Variants in CDH9 observed in about 807,000 individuals in gnomAD.
CDH9 encodes the protein cadherin 9.
In CDH9, 28 loss-of-function variants were observed where a neutral mutation model predicts 70.9. The observed-to-expected ratio is 0.40, with a 90% CI of 0.29 to 0.54. The LOEUF is 0.54. CDH9 is among the 20% of genes least tolerant of loss of function. CDH9 has a pLI of 0.59. For synonymous variants in CDH9, 409 were observed against 343.1 expected (o/e 1.19, Z -2.12); for missense variants, 874 against 984.4 (o/e 0.89, Z 1.50).
intron 2 of CDH9, among the ~76,000 whole-genome samples, chr5:26,962,020 C>T (rs1742045494): frequency 6.6e-6 from 1 of 152,110 alleles, no homozygotes; most frequent in African/African-American, 2.4e-5. Flanking sequence ...TGTCGCCCTC[C>T]CTGTGTCCAT....
chr5:27,026,705 T>G (rs954081072), intron 1 of CDH9, among the ~76,000 whole-genome samples: 8 of 151,928 alleles, frequency 5.3e-5, no homozygotes, highest in African/African-American at 1.7e-4. Context: ...GAAAAAAAAT[T>G]AGTAAATACT....
chr5:26,934,479 A>G lies in CDH9; in HGVS notation c.229-18555T>C, dbSNP rs189859081. On this transcript the variant is annotated intron_variant, in intron 2 of 11. Coordinates refer to ENST00000231021, the MANE Select transcript of CDH9 (RefSeq NM_016279.4). ...GACCCATCTCAAAAAACAAAAAAATAGTAAGAACTCATTCACTCCTGGGAG... is the reference window on the plus strand; with the variant it reads ...GACCCATCTCAAAAAACAAAAAAATGGTAAGAACTCATTCACTCCTGGGAG... 3.4e-4 allele frequency among the ~76,000 whole-genome samples: 51 copies of G among 151,800 alleles called. 1 individual carries two copies. Among genetic ancestry groups the G allele is most frequent in the East Asian group, 1.9e-4 (1 of 5,180 alleles).
intron 2 of CDH9, among the ~76,000 whole-genome samples, chr5:26,924,552 T>A (rs982069532): frequency 6.7e-6 from 1 of 150,100 alleles, no homozygotes; most frequent in Non-Finnish European, 1.5e-5. Context: ...AATAAGTATT[T>A]TATATATATG....
At chr5:26,931,533 G>A (rs1741461856) in intron 2 of CDH9, among the ~76,000 whole-genome samples, 1 of 152,136 alleles carries the variant, frequency 6.6e-6, no homozygotes, top group South Asian at 2.1e-4. Context: ...CAAAAATCAT[G>A]CATTAGAAGT....
At chr5:27,004,236 A>G (rs555097214) in intron 1 of CDH9, among the ~76,000 whole-genome samples, 5 of 152,128 alleles carry the variant, frequency 3.3e-5, no homozygotes, top group African/African-American at 9.6e-5. Context: ...GAGGCCCAGC[A>G]AAATGTATGT....
chr5:27,038,242 A>G (rs1455721178), intron 1 of CDH9, among the ~76,000 whole-genome samples: 1 of 151,964 alleles, frequency 6.6e-6, no homozygotes, highest in Non-Finnish European at 1.5e-5. Flanking sequence ...CAGCTTTGCA[A>G]AAGTAAAATA....
At chr5:27,008,086 G>C (rs997071024) in intron 1 of CDH9, among the ~76,000 whole-genome samples, 1 of 152,110 alleles carries the variant, frequency 6.6e-6, no homozygotes, top group East Asian at 1.9e-4. Context: ...TTAATATTCT[G>C]AGCTTGTCAC....
intron 2 of CDH9, among the ~76,000 whole-genome samples, chr5:26,956,254 ATTCTC>A (rs1374668452): frequency 1.3e-5 from 2 of 152,222 alleles, no homozygotes; most frequent in Non-Finnish European, 2.9e-5. Context: ...CCCTGCACAA[ATTCTC>A]TTCTCTTGTC....
Position 26,886,047 on chromosome 5 carries a change from G to A in CDH9, c.1549C>T (p.Pro517Ser). 1 of 1,609,614 alleles carries A rather than the reference G, an allele frequency of 6.2e-7. No homozygotes were observed. ...AAAAAGAATTTGTGACCTCGGGGAG[G>A]GTCATCCTTATCCATGACACTGACA... ...QTVSVMDKDDPPRGHKFFFEP... is the reference protein window; with the variant it reads ...QTVSVMDKDDSPRGHKFFFEP... The change falls in exon 10 of 12, where the codon CCT becomes TCT. Residue 517 changes from proline (P) to serine (S), a missense_variant. Coordinates refer to ENST00000231021, the MANE Select transcript of CDH9 (RefSeq NM_016279.4).
At chr5:27,033,212 TATA>T (rs1424608660) in intron 1 of CDH9, among the ~76,000 whole-genome samples, 7 of 151,168 alleles carry the variant, frequency 4.6e-5, no homozygotes, top group African/African-American at 1.7e-4. Flanking sequence ...TTGTTTATAA[TATA>T]ATATCTAATA....
intron 2 of CDH9, among the ~76,000 whole-genome samples, chr5:26,931,826 T>A (rs935169729): frequency 1.3e-5 from 2 of 152,094 alleles, no homozygotes; most frequent in Non-Finnish European, 2.9e-5. Flanking sequence ...CAGACATGCA[T>A]GTAATTAGAC....
At chr5:27,000,213 T>C (rs1428653) in intron 1 of CDH9, among the ~76,000 whole-genome samples, 64,806 of 151,848 alleles carry the variant, frequency 0.43, 14,762 homozygotes, top group Non-Finnish European at 0.5. Context: ...TCAAAAGTTC[T>C]GCAAAGATAT....
chr5:27,024,724 A>G (rs1743193156), intron 1 of CDH9, among the ~76,000 whole-genome samples: 1 of 152,134 alleles, frequency 6.6e-6, no homozygotes, highest in African/African-American at 2.4e-5. Context: ...ATTTGGAGAA[A>G]TGAAATAAAT....
At chr5:26,982,842 C>G (rs1454123742) in intron 2 of CDH9, among the ~76,000 whole-genome samples, 1 of 151,940 alleles carries the variant, frequency 6.6e-6, no homozygotes, top group Non-Finnish European at 1.5e-5. Context: ...GCCACCACAC[C>G]TGGATAATAT....
At chr5:27,032,347 A>C (rs940404149) in intron 1 of CDH9, among the ~76,000 whole-genome samples, 2 of 151,670 alleles carry the variant, frequency 1.3e-5, no homozygotes, top group Non-Finnish European at 3.0e-5. Flanking sequence ...CAAAAAAGAC[A>C]GATGAATATC....
At chr5:27,006,327 G>A (rs898621072) in intron 1 of CDH9, among the ~76,000 whole-genome samples, 2 of 152,020 alleles carry the variant, frequency 1.3e-5, no homozygotes, top group East Asian at 1.9e-4. Context: ...TTTCCTCAGT[G>A]CTACAAAAGG....
intron 2 of CDH9, among the ~76,000 whole-genome samples, chr5:26,929,829 G>T (rs531660043): frequency 6.6e-6 from 1 of 152,164 alleles, no homozygotes; most frequent in East Asian, 1.9e-4. Context: ...TAGAATGATG[G>T]TTACCAGAGG....
At chr5:27,025,577 G>C (rs3792734) in intron 1 of CDH9, among the ~76,000 whole-genome samples, 68,582 of 151,914 alleles carry the variant, frequency 0.45, 16,264 homozygotes, top group Non-Finnish European at 0.5. Context: ...AGTGCTAACA[G>C]TGGAACCTGC....
rs764152176 is a variant in CDH9 at position 26,885,598 on chromosome 5, G to C, written c.1882+16C>G. On this transcript the variant is annotated intron_variant, in intron 11 of 11. Transcript: ENST00000231021. ...TTTTTGTGAGTTAAAGGATCATTCA[G>C]AGGGGCAGAGCTTACTAAGCAGTAT... 2 of 1,609,744 alleles carry C rather than the reference G, an allele frequency of 1.2e-6. No homozygotes were observed. Among genetic ancestry groups the C allele is most frequent in the African/African-American group, 2.7e-5 (2 of 74,934 alleles).
Sources: gnomAD v4.1 joint callset for allele counts (sites outside exome capture counted in the v4.1 genomes callset) on GRCh38, gnomAD v4.1.1 for gene constraint, MANE v1.5 for transcripts, NCBI Gene and HGNC (gene_info 2026-07-23, HGNC 2026-07-21) for gene names.